GRIN2A: variants seen among roughly 807,000 people sequenced by gnomAD.
GRIN2A encodes the protein glutamate receptor ionotropic, NMDA 2A.
GRIN2A carries 22 observed loss-of-function variants against 113.4 expected under a neutral mutation model. The ratio of observed to expected loss-of-function variants is 0.19; its 90% CI spans 0.14 to 0.28. The LOEUF (loss-of-function observed/expected upper bound fraction) is 0.28. Ranked by LOEUF, GRIN2A falls within the 10% of genes least tolerant of loss-of-function variation. GRIN2A has a pLI of 1.00. For synonymous variants in GRIN2A, 827 were observed against 738.4 expected (o/e 1.12, Z -1.94); for missense variants, 1,502 against 1,887.0 (o/e 0.80, Z 3.78).
intron 2 of GRIN2A, among the ~76,000 whole-genome samples, chr16:10,007,592 T>C (rs957247184): frequency 7.9e-5 from 12 of 152,220 alleles, no homozygotes; most frequent in Non-Finnish European, 1.6e-4. Context: ...GTCTCTTCGC[T>C]TTCTTGACCG....
At chr16:10,077,087 C>G (rs914766354) in intron 2 of GRIN2A, among the ~76,000 whole-genome samples, 6 of 152,140 alleles carry the variant, frequency 3.9e-5, no homozygotes, top group African/African-American at 1.4e-4. Flanking sequence ...GTTGCTGGCA[C>G]TGGAGATGGA....
chr16:10,076,413 G>A (rs2047873741), intron 2 of GRIN2A, among the ~76,000 whole-genome samples: 1 of 152,150 alleles, frequency 6.6e-6, no homozygotes, highest in African/African-American at 2.4e-5. Flanking sequence ...GGCGACGGTG[G>A]GGACCTAAAA....
intron 11 of GRIN2A, among the ~76,000 whole-genome samples, chr16:9,772,724 A>G (rs1901346410): frequency 6.6e-6 from 1 of 152,124 alleles, no homozygotes; most frequent in Admixed American, 6.5e-5. Flanking sequence ...ACTATGACTC[A>G]TCAGATTCCC....
At chr16:10,050,361 G>A (rs1054199460) in intron 2 of GRIN2A, among the ~76,000 whole-genome samples, 3 of 152,264 alleles carry the variant, frequency 2.0e-5, no homozygotes, top group South Asian at 2.1e-4. Context: ...TGAGCGGCAG[G>A]TGAGCAAGTG....
chr16:9,808,816 C>T (rs1225456087), intron 10 of GRIN2A, among the ~76,000 whole-genome samples: 1 of 152,112 alleles, frequency 6.6e-6, no homozygotes, highest in African/African-American at 2.4e-5. Flanking sequence ...AATTCTATGT[C>T]CTGGTTTCAT....
At chr16:10,088,954 A>G (rs1428589291) in intron 2 of GRIN2A, among the ~76,000 whole-genome samples, 1 of 152,190 alleles carries the variant, frequency 6.6e-6, no homozygotes, top group East Asian at 1.9e-4. Flanking sequence ...ACCCTTCTCT[A>G]TGCCCCATTA....
intron 2 of GRIN2A, among the ~76,000 whole-genome samples, chr16:9,951,205 T>C (rs1480543755): frequency 2.0e-5 from 3 of 152,178 alleles, no homozygotes; most frequent in Admixed American, 2.0e-4. Context: ...CACCCTGAAC[T>C]AATGCCAGGA....
At chr16:9,930,668 G>A (rs1246392850) in intron 3 of GRIN2A, among the ~76,000 whole-genome samples, 1 of 152,168 alleles carries the variant, frequency 6.6e-6, no homozygotes, top group Non-Finnish European at 1.5e-5. Flanking sequence ...CATTCACCTA[G>A]GGAAGTTTTA....
intron 2 of GRIN2A, among the ~76,000 whole-genome samples, chr16:10,081,430 CA>C (rs1422180998): frequency 6.6e-6 from 1 of 152,224 alleles, no homozygotes; most frequent in African/African-American, 2.4e-5. Flanking sequence ...CACATTCAAT[CA>C]AACTGTCACT....
At chr16:10,105,883 G>A (rs113448932) in intron 2 of GRIN2A, among the ~76,000 whole-genome samples, 4 of 152,240 alleles carry the variant, frequency 2.6e-5, no homozygotes, top group East Asian at 1.9e-4. Context: ...CGCCAGCCTC[G>A]GTGACAAGGC....
chr16:10,013,204 G>A (rs995875323), intron 2 of GRIN2A, among the ~76,000 whole-genome samples: 5 of 152,156 alleles, frequency 3.3e-5, no homozygotes, highest in Admixed American at 6.5e-5. Flanking sequence ...AGATATTTTC[G>A]TGAATACTCA....
intron 2 of GRIN2A, among the ~76,000 whole-genome samples, chr16:10,028,377 T>C (rs2141916749): frequency 6.6e-6 from 1 of 152,330 alleles, no homozygotes; most frequent in South Asian, 2.1e-4. Flanking sequence ...TTACACAGTG[T>C]GGCACTGTCG....
intron 4 of GRIN2A, among the ~76,000 whole-genome samples, chr16:9,888,210 G>C (rs941643451): frequency 1.3e-5 from 2 of 152,140 alleles, no homozygotes; most frequent in African/African-American, 2.4e-5. Flanking sequence ...CAAAGTGTTG[G>C]AATTACAAGT....
At position 9,878,828 on chromosome 16, in the gene GRIN2A, C is replaced by T. The variant is rs975310468; in HGVS notation, c.1122+12158G>A. Among the ~76,000 whole-genome samples, 8 of 151,620 alleles carry T rather than the reference C, an allele frequency of 5.3e-5. No homozygotes were observed. The East Asian group carries it at 1.5e-3, about 29-fold the overall frequency. On this transcript the variant is annotated intron_variant, in intron 4 of 12. Transcript: ENST00000330684. The stretch of plus-strand genomic sequence containing the variant: ...ACAACTGCAACAACAACAACAACAA[C>T]AGCAACAACAAAAGAACCAGTGCAA...
At chr16:9,961,536 A>G (rs1269499806) in intron 2 of GRIN2A, among the ~76,000 whole-genome samples, 1 of 152,246 alleles carries the variant, frequency 6.6e-6, no homozygotes, top group African/African-American at 2.4e-5. Flanking sequence ...GATTGAATTC[A>G]GAATAATGGT....
intron 3 of GRIN2A, among the ~76,000 whole-genome samples, chr16:9,902,590 A>G (rs2043949596): frequency 6.6e-6 from 1 of 152,192 alleles, no homozygotes; most frequent in African/African-American, 2.4e-5. Context: ...GGTTATTTGA[A>G]CCAAAATCTT....
chr16:9,940,061 A>AGTGTGTGT (rs56116543), intron 2 of GRIN2A, among the ~76,000 whole-genome samples: 17 of 143,000 alleles, frequency 1.2e-4, no homozygotes, highest in African/African-American at 2.4e-4. Context: ...AGAGAGAGAG[A>AGTGTGTGT]GTGTGTGTGT....
chr16:10,150,876 G>T lies in GRIN2A; in HGVS notation c.414+29122C>A, dbSNP rs563178108. On this transcript the variant is annotated intron_variant, in intron 2 of 12. Coordinates refer to ENST00000330684, the MANE Select transcript of GRIN2A (RefSeq NM_001134407.3). Reference sequence around the variant, plus strand: ...TGCTTCTCTGAAAGGTAAACTTCCTGATGGTAGAGATCATGTCCATCTTGT... The same window carrying T: ...TGCTTCTCTGAAAGGTAAACTTCCTTATGGTAGAGATCATGTCCATCTTGT... Among the ~76,000 whole-genome samples the T allele has an allele frequency of 2.6e-5, 4 of 152,280 alleles. No homozygotes were observed. In the South Asian group the frequency reaches 8.3e-4, roughly 32 times the overall value.
intron 2 of GRIN2A, among the ~76,000 whole-genome samples, chr16:10,155,929 G>T (rs1296993739): frequency 6.6e-6 from 1 of 152,200 alleles, no homozygotes; most frequent in Non-Finnish European, 1.5e-5. Context: ...AATTCAAGGT[G>T]AGATTTAGGT....
Sources: gnomAD v4.1 joint callset for allele counts (sites outside exome capture counted in the v4.1 genomes callset) on GRCh38, gnomAD v4.1.1 for gene constraint, MANE v1.5 for transcripts, NCBI Gene and HGNC (gene_info 2026-07-23, HGNC 2026-07-21) for gene names.